Variants in SIL1 observed in about 807,000 individuals in gnomAD.
SIL1 encodes the protein SIL1 nucleotide exchange factor.
SIL1 carries 40 observed loss-of-function variants against 49.1 expected under a neutral mutation model. The observed-to-expected ratio is 0.81, with a 90% CI of 0.63 to 1.06. SIL1 has a LOEUF of 1.06. SIL1 is among the 50% of genes least tolerant of loss of function. The pLI, the probability that SIL1 is intolerant of heterozygous loss-of-function variation, is 0.00. For missense variants in SIL1, 500 were observed against 572.6 expected (o/e 0.87, Z 1.29); for synonymous variants, 253 against 250.8 (o/e 1.01, Z -0.08).
intron 7 of SIL1, among the ~76,000 whole-genome samples, chr5:138,959,619 C>T (rs887653949): frequency 6.6e-6 from 1 of 152,236 alleles, no homozygotes; most frequent in African/African-American, 2.4e-5. Context: ...CCTCTCACAA[C>T]GTGGCCTCAC....
rs142825772 is a variant in SIL1 at position 138,971,985 on chromosome 5, A to G, written c.768-20101T>C. On this transcript the variant is annotated intron_variant, in intron 7 of 9. Coordinates refer to ENST00000394817, the MANE Select transcript of SIL1 (RefSeq NM_022464.5). ...GCTTCCCTTCTCAAGCGTGTCCAAA[A>G]CTCAGGTCTCCTTCAGGCCACACAG... 9.2e-5 allele frequency among the ~76,000 whole-genome samples: 14 copies of G among 151,980 alleles called. No individual in the cohort carries two copies. In the East Asian group the frequency reaches 2.5e-3, roughly 27 times the overall value.
At chr5:139,051,319 C>T in intron 3 of SIL1, 1 of 487,568 alleles carries the variant, frequency 2.1e-6, no homozygotes, top group Non-Finnish European at 3.7e-6. Flanking sequence ...CCAGTTAGAA[C>T]CTGCATATTT....
chr5:139,031,795 C>T (rs1156770502), intron 5 of SIL1, among the ~76,000 whole-genome samples: 1 of 152,136 alleles, frequency 6.6e-6, no homozygotes, highest in Admixed American at 6.6e-5. Context: ...ATCTTTCACC[C>T]AACTTTTATA....
chr5:139,011,167 G>A (rs1768258276), intron 7 of SIL1, among the ~76,000 whole-genome samples: 1 of 151,152 alleles, frequency 6.6e-6, no homozygotes, highest in Non-Finnish European at 1.5e-5. Context: ...GTCTCGTGGT[G>A]CGCCGTTTTT....
At chr5:139,037,225 G>A (rs904710675) in intron 5 of SIL1, among the ~76,000 whole-genome samples, 2 of 151,820 alleles carry the variant, frequency 1.3e-5, no homozygotes, top group Admixed American at 6.6e-5. Context: ...TTCCCCTATA[G>A]TTGTGTTATT....
chr5:139,189,771 A>C (rs1395789931), intron 1 of SIL1, among the ~76,000 whole-genome samples: 1 of 152,220 alleles, frequency 6.6e-6, no homozygotes, highest in African/African-American at 2.4e-5. Flanking sequence ...CAGTGAGCCA[A>C]GACTGTGCCA....
intron 3 of SIL1, among the ~76,000 whole-genome samples, chr5:139,113,854 C>T (rs937454673): frequency 6.6e-6 from 1 of 152,226 alleles, no homozygotes; most frequent in Non-Finnish European, 1.5e-5. Flanking sequence ...AGCTAGTTTT[C>T]CATCATCCCT....
intron 7 of SIL1, among the ~76,000 whole-genome samples, chr5:138,984,686 T>C (rs1767613076): frequency 6.6e-6 from 1 of 152,054 alleles, no homozygotes; most frequent in African/African-American, 2.4e-5. Context: ...GCCTGTGAGC[T>C]CTAGAGAATC....
chr5:139,190,553 A>G (rs1581161645), intron 1 of SIL1, among the ~76,000 whole-genome samples: 1 of 152,038 alleles, frequency 6.6e-6, no homozygotes, highest in Non-Finnish European at 1.5e-5. Context: ...CCTTTGTAAG[A>G]CCCCTAGCCT....
At chr5:138,984,751 C>T (rs1309426951) in intron 7 of SIL1, among the ~76,000 whole-genome samples, 1 of 152,156 alleles carries the variant, frequency 6.6e-6, no homozygotes, top group Non-Finnish European at 1.5e-5. Context: ...TATACCCAGA[C>T]AAAAGCAGGA....
Position 139,050,962 on chromosome 5 carries a change from A to G in SIL1, c.329T>C (p.Phe110Ser), listed in dbSNP as rs745725050. 2 of 1,614,156 alleles carry G rather than the reference A, an allele frequency of 1.2e-6. No homozygotes were observed. Among genetic ancestry groups the G allele is most frequent in the South Asian group, 1.1e-5 (1 of 91,078 alleles). The change falls in exon 4 of 10, where the codon TTC (phenylalanine) becomes TCC (serine). Residue 110 changes from phenylalanine to serine, a missense_variant. By Grantham distance (155) the Phe-to-Ser change is radical. Coordinates refer to ENST00000394817, the MANE Select transcript of SIL1 (RefSeq NM_022464.5). ...REAKLQYEDK[F>S]RNNLKGKRLD... ...CCTTTTGCCTTTCAAATTATTTCGG[A>G]ACTTGTCCTCATATTGGAGTTTTGC...
chr5:139,176,603 C>T (rs1371653746), intron 1 of SIL1, among the ~76,000 whole-genome samples: 1 of 152,160 alleles, frequency 6.6e-6, no homozygotes, highest in Non-Finnish European at 1.5e-5. Context: ...AAGATGCCAA[C>T]AGATTCAACG....
chr5:139,086,523 ATT>A (rs1390080346), intron 3 of SIL1, among the ~76,000 whole-genome samples: 1 of 151,070 alleles, frequency 6.6e-6, no homozygotes. Flanking sequence ...CACCCAGCTA[ATT>A]TTTTTTGTTT....
At chr5:138,956,441 T>C (rs555299986) in intron 7 of SIL1, among the ~76,000 whole-genome samples, 94 of 152,276 alleles carry the variant, frequency 6.2e-4, no homozygotes, top group African/African-American at 2.2e-3. Flanking sequence ...AGGTAATCAA[T>C]CAGTTAAGAT....
At chr5:139,154,551 ATGTC>A (rs762340244) in intron 1 of SIL1, among the ~76,000 whole-genome samples, 1 of 152,218 alleles carries the variant, frequency 6.6e-6, no homozygotes, top group Non-Finnish European at 1.5e-5. Flanking sequence ...TGCTTGATTA[ATGTC>A]TGTGATTGAA....
At chr5:138,967,131 G>T (rs1472334284) in intron 7 of SIL1, among the ~76,000 whole-genome samples, 1 of 152,164 alleles carries the variant, frequency 6.6e-6, no homozygotes, top group African/African-American at 2.4e-5. Flanking sequence ...CTGGTACCCT[G>T]CTGTTCTTTC....
chr5:138,962,098 AATTT>A (rs1767032570), intron 7 of SIL1, among the ~76,000 whole-genome samples: 1 of 151,838 alleles, frequency 6.6e-6, no homozygotes. Context: ...GCAAGTGAAG[AATTT>A]ATTGGTTTCT....
At chr5:138,955,347 G>C (rs543907675) in intron 7 of SIL1, among the ~76,000 whole-genome samples, 5 of 152,346 alleles carry the variant, frequency 3.3e-5, no homozygotes, top group Admixed American at 2.0e-4. Flanking sequence ...ACAATCAGCA[G>C]GCAAGTCAGC....
chr5:139,153,287 G>A (rs548997869), intron 1 of SIL1, among the ~76,000 whole-genome samples: 8 of 152,156 alleles, frequency 5.3e-5, no homozygotes, highest in Non-Finnish European at 1.0e-4. Context: ...CTTCCGCTTT[G>A]AGGCCTTCCC....
Sources: gnomAD v4.1 joint callset for allele counts (sites outside exome capture counted in the v4.1 genomes callset) on GRCh38, gnomAD v4.1.1 for gene constraint, MANE v1.5 for transcripts, NCBI Gene and HGNC (gene_info 2026-07-23, HGNC 2026-07-21) for gene names.